Variants in BLM observed in about 807,000 individuals in gnomAD.
BLM encodes the protein recQ-like DNA helicase BLM.
In BLM, 95 loss-of-function variants were observed where a neutral mutation model predicts 135.3. The observed-to-expected ratio is 0.70, with a 90% CI of 0.59 to 0.83. BLM has a LOEUF of 0.83. BLM is among the 40% of genes least tolerant of loss of function. The pLI, the probability that BLM is intolerant of heterozygous loss-of-function variation, is 0.00. For missense variants in BLM, 1,518 were observed against 1,663.9 expected (o/e 0.91, Z 1.53); for synonymous variants, 520 against 589.2 (o/e 0.88, Z 1.70).
chr15:90,786,006 T>C (rs1596252990), intron 14 of BLM, among the ~76,000 whole-genome samples: 2 of 142,532 alleles, frequency 1.4e-5, no homozygotes, highest in African/African-American at 5.6e-5. Flanking sequence ...TTCTTTTTTT[T>C]TTTTTTTTTT....
At chr15:90,807,507 C>G (rs1395169098) in intron 19 of BLM, among the ~76,000 whole-genome samples, 1 of 152,122 alleles carries the variant, frequency 6.6e-6, no homozygotes, top group Admixed American at 6.5e-5. Context: ...TCAAGTGATC[C>G]TCCTACCCCA....
At chr15:90,732,837 A>C (rs1596202917) in intron 1 of BLM, among the ~76,000 whole-genome samples, 1 of 152,204 alleles carries the variant, frequency 6.6e-6, no homozygotes, top group Non-Finnish European at 1.5e-5. Context: ...GGCTCATGCC[A>C]GTAATCCCAG....
At chr15:90,789,991 T>TG (rs1567056116) in intron 14 of BLM, among the ~76,000 whole-genome samples, 7 of 50,570 alleles carry the variant, frequency 1.4e-4, no homozygotes, top group African/African-American at 5.5e-4. Context: ...CCTGGTGTTT[T>TG]TTTTTTTTTT....
chr15:90,724,140 G>A (rs1176101021), intron 1 of BLM, among the ~76,000 whole-genome samples: 2 of 151,900 alleles, frequency 1.3e-5, no homozygotes, highest in African/African-American at 4.8e-5. Flanking sequence ...AGCCTCCCGA[G>A]AAGGTGAGAC....
At chr15:90,811,167 C>G (rs28385157) in intron 20 of BLM, 38 bp from the exon 21 acceptor site, 1 of 1,605,466 alleles carries the variant, frequency 6.2e-7, no homozygotes, top group Non-Finnish European at 8.5e-7. Context: ...TGGACCAGTG[C>G]GACATCACCT....
chr15:90,808,387 T>C (rs1897327525), intron 19 of BLM, among the ~76,000 whole-genome samples: 1 of 152,212 alleles, frequency 6.6e-6, no homozygotes, highest in South Asian at 2.1e-4. Context: ...CATCAGTCAG[T>C]CCTACAGAGC....
At chr15:90,787,810 C>T (rs575037071) in intron 14 of BLM, among the ~76,000 whole-genome samples, 7 of 152,022 alleles carry the variant, frequency 4.6e-5, no homozygotes, top group African/African-American at 1.4e-4. Flanking sequence ...ATTAGCCGGA[C>T]GTGGTGATGG....
chr15:90,756,106 CCT>C (rs1491505998), intron 5 of BLM, among the ~76,000 whole-genome samples: 1 of 150,732 alleles, frequency 6.6e-6, no homozygotes, highest in African/African-American at 2.4e-5. Context: ...AAGGTAGTTT[CCT>C]TTTTTTTTTT....
At chr15:90,728,096 G>T (rs1475510232) in intron 1 of BLM, among the ~76,000 whole-genome samples, 2 of 151,916 alleles carry the variant, frequency 1.3e-5, no homozygotes, top group African/African-American at 2.4e-5. Flanking sequence ...AGAGCAAGTG[G>T]TGCAATCACA....
chr15:90,813,000 A>T (rs1897461393), intron 21 of BLM, among the ~76,000 whole-genome samples: 1 of 152,210 alleles, frequency 6.6e-6, no homozygotes, highest in Non-Finnish European at 1.5e-5. Context: ...CGGAGACCTT[A>T]AAAGGCATCT....
chr15:90,770,460 G>A (rs989703697), intron 12 of BLM, among the ~76,000 whole-genome samples: 2 of 152,208 alleles, frequency 1.3e-5, no homozygotes, highest in Non-Finnish European at 1.5e-5. Context: ...ACAGGCGTGA[G>A]CCACCGTGCC....
intron 19 of BLM, among the ~76,000 whole-genome samples, chr15:90,806,496 G>T (rs112816216): frequency 0.16 from 22,643 of 142,144 alleles, 1,829 homozygotes; most frequent in Non-Finnish European, 0.19. Context: ...GGGCGACAGA[G>T]CGAGACTCCA....
chr15:90,732,319 G>C (rs1476663110), intron 1 of BLM, among the ~76,000 whole-genome samples: 1 of 151,992 alleles, frequency 6.6e-6, no homozygotes, highest in African/African-American at 2.4e-5. Flanking sequence ...AATTAGTGCA[G>C]TATATCATCT....
At position 90,798,200 on chromosome 15, in the gene BLM, C is replaced by T. The variant is rs144021705; in HGVS notation, c.3221C>T (p.Thr1074Ile). The change falls in exon 17 of 22, where the codon ACA becomes ATA. Residue 1074 changes from threonine (T) to isoleucine (I), a missense_variant. This residue lies in a region of BLM where 626 missense variants were observed against 681.1 expected (regional missense o/e 0.92). Coordinates refer to ENST00000355112, the MANE Select transcript of BLM (RefSeq NM_000057.4). ...DNCCKTKDYK[T>I]RDVTDDVKSI... ...TCTTTTTATTCATAGGATTATAAAA[C>T]AAGAGATGTGACTGACGATGTGAAA... 6.2e-7 allele frequency: 1 copy of T among 1,605,066 alleles called. No homozygotes were observed. Among genetic ancestry groups the T allele is most frequent in the Non-Finnish European group, 8.5e-7 (1 of 1,173,072 alleles).
rs1894756407 is a variant in BLM, at chr15:90,721,210, GTATATTC to G, written c.-5+3772_-5+3778del. Among the ~76,000 whole-genome samples, 3 of 152,200 alleles carry G rather than the reference GTATATTC, an allele frequency of 2.0e-5. No individual in the cohort carries two copies. The South Asian group carries it at 6.2e-4, about 32-fold the overall frequency. On this transcript the variant is annotated intron_variant, in intron 1 of 21. Coordinates refer to ENST00000355112, the MANE Select transcript of BLM (RefSeq NM_000057.4). ...TTTTTCATAAATTTACTTAGTGTCT[GTATATTC>G]TGGTGAGCTGTTGTGTTTATATTCC... is the stretch of plus-strand genomic sequence containing the variant.
At chr15:90,791,886 C>T (rs1267864197) in intron 15 of BLM, among the ~76,000 whole-genome samples, 1 of 152,076 alleles carries the variant, frequency 6.6e-6, no homozygotes, top group Non-Finnish European at 1.5e-5. Flanking sequence ...GTGATCCGCC[C>T]ACCTCAGCCT....
chr15:90,733,929 TA>T (rs1435100945), intron 1 of BLM, among the ~76,000 whole-genome samples: 3 of 152,228 alleles, frequency 2.0e-5, no homozygotes, highest in Non-Finnish European at 4.4e-5. Context: ...ACAGCATAAT[TA>T]TTTTATATCG....
chr15:90,725,649 C>T (rs958846097), intron 1 of BLM, among the ~76,000 whole-genome samples: 2 of 150,896 alleles, frequency 1.3e-5, no homozygotes, highest in Non-Finnish European at 2.9e-5. Flanking sequence ...TACAGGCGCC[C>T]GCCACCATGC....
intron 8 of BLM, 151 bp from the exon 9 acceptor site, chr15:90,765,145 T>A (rs1463059983): frequency 1.4e-6 from 1 of 711,654 alleles, no homozygotes; most frequent in African/African-American, 1.8e-5. Context: ...TGCCTAAATA[T>A]AATAGTTTGA....
Sources: gnomAD v4.1 joint callset for allele counts (sites outside exome capture counted in the v4.1 genomes callset) on GRCh38, gnomAD v4.1.1 for gene constraint, gnomAD v4.1.1 regional missense constraint, MANE v1.5 for transcripts, NCBI Gene and HGNC (gene_info 2026-07-23, HGNC 2026-07-21) for gene names.